MLXIPL: variants seen among roughly 807,000 people sequenced by gnomAD.
The protein encoded by MLXIPL is MLX interacting protein like.
MLXIPL carries 49 observed loss-of-function variants against 81.5 expected under a neutral mutation model. The observed-to-expected ratio is 0.60, with a 90% confidence interval of 0.48 to 0.76. The LOEUF (loss-of-function observed/expected upper bound fraction) is 0.76. Among genes scored for constraint, MLXIPL ranks in the 30% least tolerant of loss-of-function variants. MLXIPL has a pLI of 0.00. For missense variants in MLXIPL, 1,053 were observed against 1,167.0 expected (o/e 0.90, Z 1.42); for synonymous variants, 466 against 485.5 (o/e 0.96, Z 0.53).
intron 5 of MLXIPL, 47 bp from the exon 6 acceptor site, chr7:73,606,158 C>T (rs1554598084): frequency 6.5e-7 from 1 of 1,538,484 alleles, no homozygotes. Flanking sequence ...TCCCACTGCC[C>T]CGATCTTCCA....
intron 4 of MLXIPL, 43 bp from the exon 5 acceptor site, chr7:73,607,061 T>A (rs142697434): frequency 6.2e-7 from 1 of 1,605,136 alleles, no homozygotes; most frequent in Non-Finnish European, 8.5e-7. Flanking sequence ...CCTTGCCCCA[T>A]CCTCCATCAC....
chr7:73,631,812 C>T, the MLXIPL span, among the ~76,000 whole-genome samples: 26 of 146,072 alleles, frequency 1.8e-4, no homozygotes, highest in African/African-American at 5.6e-4. Flanking sequence ...ACTCCCTTCT[C>T]CTCTCTTCTC....
intron 16 of MLXIPL, 42 bp from the exon 17 acceptor site, chr7:73,594,025 G>A (rs782353726): frequency 1.3e-6 from 2 of 1,557,610 alleles, no homozygotes; most frequent in East Asian, 2.2e-5. Context: ...ACTTCCTGGG[G>A]TCAGGGCCCT....
At chr7:73,599,889 G>A (rs1794649259) in intron 7 of MLXIPL, among the ~76,000 whole-genome samples, 194 bp from the exon 8 acceptor site, 2 of 152,030 alleles carry the variant, frequency 1.3e-5, no homozygotes, top group African/African-American at 2.4e-5. Flanking sequence ...AGCAGCAACC[G>A]TCTTGGGTGG....
chr7:73,625,648 C>G (rs1796698496), upstream of MLXIPL, among the ~76,000 whole-genome samples: 1 of 152,058 alleles, frequency 6.6e-6, no homozygotes, highest in Non-Finnish European at 1.5e-5. Flanking sequence ...ATAATCCCAG[C>G]TACTCGGGAG....
At position 73,597,620 on chromosome 7, in the gene MLXIPL, G is replaced by C; in HGVS notation, c.1165C>G (p.Pro389Ala). ...TGCAGCAGAGGTGGGGGTACAGGAG[G>C]GGGTGGGAGCCGGGGCTTGGGGTCT... ...PEDPKPRLPP[P>A]PVPPPLLHYP... Residue 389 changes from proline (P) to alanine (A), a missense_variant, in exon 9 of 17, where the codon CCT (proline) becomes GCT (alanine). Transcript: ENST00000313375. 1 of 1,352,186 alleles carries C rather than the reference G, an allele frequency of 7.4e-7. No homozygotes were observed. The highest frequency in any genetic ancestry group is 2.7e-5 in the East Asian group (1 of 36,864). 83.8% of individuals were successfully genotyped at this position (1,352,186 alleles called of 1,614,324 possible).
the MLXIPL span, among the ~76,000 whole-genome samples, chr7:73,637,288 G>T: frequency 2.8e-4 from 42 of 151,862 alleles, no homozygotes; most frequent in Non-Finnish European, 5.3e-4. Flanking sequence ...GACCAGCCTG[G>T]CCAACACGGC....
chr7:73,631,154 G>A, the MLXIPL span, among the ~76,000 whole-genome samples: 1 of 151,886 alleles, frequency 6.6e-6, no homozygotes, highest in Non-Finnish European at 1.5e-5. Flanking sequence ...GACTACAGGT[G>A]CCCGCCACCA....
At chr7:73,639,582 C>T in the MLXIPL span, among the ~76,000 whole-genome samples, 2 of 151,182 alleles carry the variant, frequency 1.3e-5, no homozygotes, top group Admixed American at 1.3e-4. Context: ...AGTTCAAAAC[C>T]AGCCTGGGCA....
At chr7:73,602,002 C>T (rs1794866308) in intron 7 of MLXIPL, among the ~76,000 whole-genome samples, 3 of 151,998 alleles carry the variant, frequency 2.0e-5, no homozygotes, top group Admixed American at 2.0e-4. Context: ...TAGCATGGTG[C>T]ACGTGCGTCT....
chr7:73,624,316 G>C lies in MLXIPL; in HGVS notation c.177C>G (p.Ser59Arg). 6.3e-7 allele frequency: 1 copy of C among 1,587,076 alleles called. No individual in the cohort carries two copies. Among genetic ancestry groups the C allele is most frequent in the Non-Finnish European group, 8.6e-7 (1 of 1,168,976 alleles). ...GGTCGCGCCGCCGGGGCAGCGAGTCGCTGTGCGGCGACGACACCATGAAGT... is the reference window on the plus strand; with the variant it reads ...GGTCGCGCCGCCGGGGCAGCGAGTCCCTGTGCGGCGACGACACCATGAAGT... Reference protein sequence around the residue: ...SGHFMVSSPHSDSLPRRRDQE... With the variant: ...SGHFMVSSPHRDSLPRRRDQE... The change falls in exon 1 of 17, where the codon AGC becomes AGG. Residue 59 changes from serine to arginine, a missense_variant. Ser to Arg is a moderately radical substitution (Grantham distance 110, BLOSUM62 -1). This residue lies in a region of MLXIPL where 226 missense variants were observed against 216.2 expected (regional missense o/e 1.05). Transcript: ENST00000313375.
chr7:73,624,875 T>C (rs1388533612), upstream of MLXIPL, among the ~76,000 whole-genome samples: 1 of 152,028 alleles, frequency 6.6e-6, no homozygotes, highest in African/African-American at 2.4e-5. Context: ...CTGAGCAATA[T>C]GGCAAGACCC....
chr7:73,596,697 G>A lies in MLXIPL; in HGVS notation c.1764C>T (p.Ala588=). Residue 588 remains alanine, a synonymous_variant, in exon 11 of 17, where the codon GCC becomes GCT. Transcript: ENST00000313375. The surrounding 1 kb of genome is among the most constrained non-coding windows in gnomAD (Gnocchi z 4.7). ...TGGGGACAAGCAGGGGCCTGGAAGGGGCCAATGTGGCCGGGCCTGGAGGTG... is the reference window on the plus strand; with the variant it reads ...TGGGGACAAGCAGGGGCCTGGAAGGAGCCAATGTGGCCGGGCCTGGAGGTG... ...PRPPPGPATL[A]PSRPLLVPKA... 6.3e-7 allele frequency: 1 copy of A among 1,588,994 alleles called. No homozygotes were observed. Among genetic ancestry groups the A allele is most frequent in the Non-Finnish European group, 8.6e-7 (1 of 1,168,046 alleles).
At chr7:73,644,968 A>T in the MLXIPL span, among the ~76,000 whole-genome samples, 1 of 152,188 alleles carries the variant, frequency 6.6e-6, no homozygotes, top group Non-Finnish European at 1.5e-5. Context: ...AATATGGGAC[A>T]AGAACTTTTG....
At chr7:73,595,213 C>T (rs1168277177) in intron 15 of MLXIPL, among the ~76,000 whole-genome samples, 1 of 152,094 alleles carries the variant, frequency 6.6e-6, no homozygotes, top group Non-Finnish European at 1.5e-5. Context: ...TCCTCCTTGC[C>T]CCTCCACGGC....
rs1374241167 is a variant in MLXIPL, at chr7:73,602,114, G to GCCTT, written c.902-2420_902-2419insAAGG. Among the ~76,000 whole-genome samples, 264 of 53,458 alleles carry GCCTT rather than the reference G, an allele frequency of 4.9e-3. 1 individual carries two copies. Among genetic ancestry groups the GCCTT allele is most frequent in the Admixed American group, 6.4e-3 (28 of 4,394 alleles). 35.1% of individuals were successfully genotyped at this position (53,458 alleles called of 152,430 possible). ...TGCCTGCCTTCCTGCCTGCCTGCCT[G>GCCTT]CCTGCCTGCCTGCCTGCCTTCCTTC... On this transcript the variant is annotated intron_variant, in intron 7 of 16. Coordinates refer to ENST00000313375, the MANE Select transcript of MLXIPL (RefSeq NM_032951.3).
chr7:73,614,811 T>G (rs1415407628), intron 2 of MLXIPL, among the ~76,000 whole-genome samples: 1 of 12,844 alleles, frequency 7.8e-5, no homozygotes, highest in Admixed American at 1.3e-3. Flanking sequence ...GTTTTGCCCT[T>G]TTTTTTTTTT....
the MLXIPL span, among the ~76,000 whole-genome samples, chr7:73,646,917 G>A: frequency 6.6e-6 from 1 of 152,150 alleles, no homozygotes; most frequent in Non-Finnish European, 1.5e-5. Context: ...CATCCCCCTT[G>A]TGAAGGCCCA....
intron 15 of MLXIPL, among the ~76,000 whole-genome samples, 178 bp from the exon 16 acceptor site, chr7:73,594,581 C>T (rs189923757): frequency 2.6e-5 from 4 of 152,114 alleles, no homozygotes; most frequent in African/African-American, 9.6e-5. Flanking sequence ...CGGAGTCTCG[C>T]TCTGTCACCC....
Sources: allele counts gnomAD v4.1 joint callset (sites outside exome capture counted in the v4.1 genomes callset), GRCh38; gene constraint gnomAD v4.1.1; regional missense constraint gnomAD v4.1.1; non-coding constraint Gnocchi (gnomAD v3.1); transcripts MANE v1.5; gene names NCBI Gene and HGNC (gene_info 2026-07-23, HGNC 2026-07-21).